Variants in BDP1 observed in about 807,000 individuals in gnomAD.
BDP1 encodes the protein transcription factor TFIIIB component B'' homolog.
BDP1 carries 169 observed loss-of-function variants against 266.6 expected under a neutral mutation model. That is an observed-to-expected ratio of 0.63 (90% CI 0.56 to 0.72). BDP1 has a LOEUF of 0.72. Ranked by LOEUF, BDP1 falls within the 30% of genes least tolerant of loss-of-function variation. The pLI, the probability that BDP1 is intolerant of heterozygous loss-of-function variation, is 0.00. For synonymous variants in BDP1, 1,090 were observed against 1,022.4 expected (o/e 1.07, Z -1.26); for missense variants, 3,015 against 3,053.8 (o/e 0.99, Z 0.30).
At chr5:71,537,149 CAAA>C (rs70992979) in intron 26 of BDP1, among the ~76,000 whole-genome samples, 110 of 82,440 alleles carry the variant, frequency 1.3e-3, no homozygotes, top group Middle Eastern at 0.015. Flanking sequence ...ACCAAAAAAC[CAAA>C]AAAAAAAAAA....
rs1218406317 is a variant in BDP1, at chr5:71,567,064, A to G, written c.*2179A>G. On this transcript the variant is annotated 3_prime_UTR_variant, in exon 39 of 39. Coordinates refer to ENST00000358731, the MANE Select transcript of BDP1 (RefSeq NM_018429.3). ...ATATAATTCGGAGCGGAAATTGTCT[A>G]TAAGTAGGCATTTATTTCATGATTG... The G allele has an allele frequency of 1.3e-5, 2 of 152,218 alleles. No individual in the cohort carries two copies. The highest frequency in any genetic ancestry group is 2.9e-5 in the Non-Finnish European group (2 of 68,026). The allele number at this position is 152,218 out of a possible 1,614,324, so 9.4% of individuals were successfully genotyped here.
chr5:71,572,405 A>C (rs1456709795), downstream of BDP1, among the ~76,000 whole-genome samples: 2 of 152,206 alleles, frequency 1.3e-5, no homozygotes, highest in Non-Finnish European at 2.9e-5. Flanking sequence ...AGGGGCTTCG[A>C]GGATGTGAAT....
intron 21 of BDP1, 56 bp from the exon 22 acceptor site, chr5:71,517,266 T>G (rs921198001): frequency 3.4e-5 from 45 of 1,336,422 alleles, no homozygotes; most frequent in Non-Finnish European, 4.3e-5. Flanking sequence ...TGGAAATATT[T>G]TAAGAGGTAT....
intron 16 of BDP1, among the ~76,000 whole-genome samples, chr5:71,508,246 G>A (rs1764689963): frequency 6.6e-6 from 1 of 152,152 alleles, no homozygotes; most frequent in African/African-American, 2.4e-5. Context: ...ATTACAGGCT[G>A]AGCCACCATG....
intron 37 of BDP1, 56 bp downstream of exon 37, chr5:71,560,293 C>A: frequency 6.5e-7 from 1 of 1,532,568 alleles, no homozygotes; most frequent in Non-Finnish European, 8.9e-7. Flanking sequence ...TAAATATAAC[C>A]TATACAGAAC....
At chr5:71,482,638 A>G (rs1401008906) in intron 7 of BDP1, among the ~76,000 whole-genome samples, 2 of 152,216 alleles carry the variant, frequency 1.3e-5, no homozygotes, top group African/African-American at 4.8e-5. Flanking sequence ...TCTGAATTAT[A>G]TTACCAATTA....
intron 7 of BDP1, among the ~76,000 whole-genome samples, chr5:71,470,791 T>A (rs1762194384): frequency 2.0e-5 from 3 of 151,930 alleles, no homozygotes. Flanking sequence ...GGTTTTACCA[T>A]GTTGCCCAGG....
chr5:71,544,146 G>A (rs1416818632), intron 30 of BDP1, among the ~76,000 whole-genome samples: 1 of 152,134 alleles, frequency 6.6e-6, no homozygotes, highest in African/African-American at 2.4e-5. Flanking sequence ...TGAAATTTTT[G>A]TAGAACAGGA....
intron 2 of BDP1, among the ~76,000 whole-genome samples, chr5:71,461,048 C>G (rs1424513107): frequency 2.0e-5 from 3 of 152,174 alleles, no homozygotes; most frequent in Non-Finnish European, 4.4e-5. Flanking sequence ...AGTATAATTG[C>G]AGTTCACTGC....
At chr5:71,470,657 C>T (rs1020211896) in intron 7 of BDP1, among the ~76,000 whole-genome samples, 168 bp downstream of exon 7, 2 of 151,240 alleles carry the variant, frequency 1.3e-5, no homozygotes, top group Admixed American at 6.6e-5. Flanking sequence ...GGCACAGTCT[C>T]GGCTCACTGC....
intron 25 of BDP1, 90 bp from the exon 26 acceptor site, chr5:71,532,218 G>T: frequency 9.1e-7 from 1 of 1,101,544 alleles, no homozygotes. Flanking sequence ...TCATTTTAGC[G>T]TTTCATCTTA....
Position 71,523,973 on chromosome 5 carries a change from A to G in BDP1, c.5422A>G (p.Lys1808Glu), listed in dbSNP as rs1448431789. Residue 1808 changes from lysine to glutamate, a missense_variant, in exon 25 of 39, where the codon AAA (lysine) becomes GAA (glutamate). By Grantham distance (56) the Lys-to-Glu change is moderately conservative. Transcript: ENST00000358731. ...ACCGTTAAACGAAACAAGTTACTCT[A>G]AAATTGCCCTGGATGGGAAAACAAC... ...PQPLNETSYS[K>E]IALDGKTTIS... The G allele has an allele frequency of 1.2e-6, 2 of 1,613,832 alleles. No individual in the cohort carries two copies. The highest frequency in any genetic ancestry group is 1.7e-6 in the Non-Finnish European group (2 of 1,179,906).
At chr5:71,496,080 A>G (rs1013171901) in intron 12 of BDP1, among the ~76,000 whole-genome samples, 12 of 151,952 alleles carry the variant, frequency 7.9e-5, no homozygotes, top group African/African-American at 2.9e-4. Flanking sequence ...GTCTCTGCTA[A>G]AAATACAAAA....
At chr5:71,527,573 A>G (rs980551646) in intron 25 of BDP1, among the ~76,000 whole-genome samples, 1 of 152,060 alleles carries the variant, frequency 6.6e-6, no homozygotes, top group Non-Finnish European at 1.5e-5. Flanking sequence ...CAGTTCATCT[A>G]TGTTGTAGCT....
In BDP1 at chr5:71,516,139, T is replaced by C; in HGVS notation, c.4728T>C (p.Leu1576=). The change falls in exon 21 of 39, where the codon CTT becomes CTC. Residue 1576 remains leucine (L), a synonymous_variant. Transcript: ENST00000358731. ...IQTARQVRGR[L]QRPRPNIRKT... is the part of the protein sequence containing the mutation. ...CTGCTCGACAAGTAAGGGGCCGACT[T>C]CAGAGACCGAGACCAAATATAAGAA... The C allele has an allele frequency of 6.2e-7, 1 of 1,613,034 alleles. No homozygotes were observed. The highest frequency in any genetic ancestry group is 8.5e-7 in the Non-Finnish European group (1 of 1,179,450).
intron 38 of BDP1, chr5:71,562,894 T>C: frequency 7.8e-7 from 1 of 1,286,686 alleles, no homozygotes; most frequent in Non-Finnish European, 1.0e-6. Context: ...AGCTGTCCAA[T>C]GGCAAGTATT....
chr5:71,536,752 C>G (rs575677205), intron 26 of BDP1, among the ~76,000 whole-genome samples: 81 of 152,176 alleles, frequency 5.3e-4, no homozygotes, highest in African/African-American at 1.9e-3. Flanking sequence ...ATCGCCTGGG[C>G]CCAGGAGGTT....
rs1764778295 is a variant in BDP1, at chr5:71,509,545, T to C, written c.2453T>C (p.Ile818Thr). ...RTRFQKPKPN[I>T]GRGTGRREIS... is the part of the protein sequence containing the mutation. ...CGATTTCAGAAACCAAAGCCAAATA[T>C]AGGAAGAGGAACTGGAAGGAGAGAA... is the stretch of plus-strand genomic sequence containing the variant. Residue 818 changes from isoleucine to threonine, a missense_variant, in exon 17 of 39, where the codon ATA becomes ACA. Ile to Thr is a moderately conservative substitution (Grantham distance 89, BLOSUM62 -1). This residue lies in a region of BDP1 where 2,383 missense variants were observed against 2,404.9 expected (regional missense o/e 0.99). Transcript: ENST00000358731. The C allele has an allele frequency of 6.2e-7, 1 of 1,611,920 alleles. No homozygotes were observed. The highest frequency in any genetic ancestry group is 8.5e-7 in the Non-Finnish European group (1 of 1,179,592).
downstream of BDP1, among the ~76,000 whole-genome samples, chr5:71,568,811 A>AT (rs796855492): frequency 2.7e-4 from 41 of 152,260 alleles, 1 homozygote; most frequent in African/African-American, 4.3e-4. Context: ...GTCACATTTC[A>AT]TTTTTTTGTC....
Sources: allele counts gnomAD v4.1 joint callset (sites outside exome capture counted in the v4.1 genomes callset), GRCh38; gene constraint gnomAD v4.1.1; regional missense constraint gnomAD v4.1.1; transcripts MANE v1.5; gene names NCBI Gene and HGNC (gene_info 2026-07-23, HGNC 2026-07-21).